Variants in RIT2 observed in about 807,000 individuals in gnomAD.
RIT2 encodes Ras like without CAAX 2.
RIT2 carries 24 observed loss-of-function variants against 23.7 expected under a neutral mutation model. That is an observed-to-expected ratio of 1.01 (90% CI 0.73 to 1.43). RIT2 has a LOEUF of 1.43. Ranked by LOEUF, RIT2 falls within the 40% of genes most tolerant of loss-of-function variation. RIT2 has a pLI of 0.00. For synonymous variants in RIT2, 107 were observed against 91.1 expected, an observed-to-expected ratio of 1.17 and a Z score of -0.99; for missense variants, 236 against 266.9, an observed-to-expected ratio of 0.88 and a Z score of 0.81.
intron 4 of RIT2, among the ~76,000 whole-genome samples, chr18:42,881,984 G>T (rs1417927492): frequency 6.6e-6 from 1 of 152,116 alleles, no homozygotes; most frequent in Non-Finnish European, 1.5e-5. Flanking sequence ...CTGCATGATT[G>T]TACAAATCTT....
chr18:42,759,864 G>A (rs1029758760), intron 4 of RIT2, among the ~76,000 whole-genome samples: 24 of 151,230 alleles, frequency 1.6e-4, no homozygotes, highest in African/African-American at 4.9e-4. Flanking sequence ...CGCAACCTCC[G>A]CCTCCTGGGT....
At chr18:42,900,424 CATA>C in intron 4 of RIT2, among the ~76,000 whole-genome samples, 1 of 152,176 alleles carries the variant, frequency 6.6e-6, no homozygotes, top group South Asian at 2.1e-4. Flanking sequence ...AGCGAATCCC[CATA>C]TACAAATAAT....
intron 4 of RIT2, among the ~76,000 whole-genome samples, chr18:42,790,583 C>A (rs1355822813): frequency 1.3e-5 from 2 of 152,162 alleles, no homozygotes; most frequent in African/African-American, 4.8e-5. Flanking sequence ...CGTCTGCCAC[C>A]ACACCCAGCA....
intron 3 of RIT2, among the ~76,000 whole-genome samples, chr18:42,941,662 C>T (rs975370958): frequency 6.6e-6 from 1 of 151,908 alleles, no homozygotes; most frequent in African/African-American, 2.4e-5. Flanking sequence ...GGAAAAATGC[C>T]AGATACTTTA....
chr18:42,838,519 T>C (rs1049363425), intron 4 of RIT2, among the ~76,000 whole-genome samples: 1 of 151,208 alleles, frequency 6.6e-6, no homozygotes, highest in Non-Finnish European at 1.5e-5. Flanking sequence ...TAATCTTCCA[T>C]GGCAATTAAG....
rs191646870 is a variant in RIT2 at position 43,115,012 on chromosome 18, T to C, written c.103+405A>G. ...CAACACCCATCATCCCGAGTATATG[T>C]CTGTGTTTGTAACTGTGTTTAATTG... On this transcript the variant is annotated intron_variant, in intron 1 of 4. Coordinates refer to ENST00000326695, the MANE Select transcript of RIT2 (RefSeq NM_002930.4). Among the ~76,000 whole-genome samples the C allele has an allele frequency of 2.8e-4, 42 of 152,296 alleles. No individual in the cohort carries two copies. The East Asian group carries it at 8.1e-3, about 29-fold the overall frequency.
chr18:43,111,453 G>A (rs930743218), intron 1 of RIT2, among the ~76,000 whole-genome samples: 33 of 152,108 alleles, frequency 2.2e-4, no homozygotes, highest in African/African-American at 7.9e-4. Flanking sequence ...TATAATGGAA[G>A]ATTTATAACA....
chr18:42,960,822 T>C (rs1375597888), intron 3 of RIT2, among the ~76,000 whole-genome samples: 1 of 152,224 alleles, frequency 6.6e-6, no homozygotes, highest in African/African-American at 2.4e-5. Context: ...TTTGCTTTTT[T>C]ATGAAGAAGG....
chr18:42,993,564 C>A (rs572260561), intron 2 of RIT2, among the ~76,000 whole-genome samples: 2 of 152,254 alleles, frequency 1.3e-5, no homozygotes, highest in East Asian at 1.9e-4. Flanking sequence ...AACTCCCCAA[C>A]TCTGGTGCCA....
intron 1 of RIT2, among the ~76,000 whole-genome samples, chr18:43,067,617 G>A (rs1452409482): frequency 6.6e-6 from 1 of 152,152 alleles, no homozygotes; most frequent in Non-Finnish European, 1.5e-5. Flanking sequence ...TCAATAGAAA[G>A]GAATATCTGG....
chr18:42,908,742 T>C (rs1304079133), intron 4 of RIT2, among the ~76,000 whole-genome samples: 1 of 152,118 alleles, frequency 6.6e-6, no homozygotes, highest in Non-Finnish European at 1.5e-5. Flanking sequence ...AGAGAATTTG[T>C]TGCTAGCAGA....
At chr18:43,008,046 A>G (rs1236488802) in intron 2 of RIT2, among the ~76,000 whole-genome samples, 1 of 151,656 alleles carries the variant, frequency 6.6e-6, no homozygotes, top group Non-Finnish European at 1.5e-5. Context: ...CAAGGACATA[A>G]CACCACATAT....
chr18:42,913,113 T>C (rs995371765), intron 4 of RIT2, among the ~76,000 whole-genome samples: 3 of 151,748 alleles, frequency 2.0e-5, no homozygotes, highest in Non-Finnish European at 4.4e-5. Context: ...CCAATTAATT[T>C]TTTATAAACT....
chr18:43,029,638 C>A (rs1264298916), intron 2 of RIT2, among the ~76,000 whole-genome samples: 1 of 151,902 alleles, frequency 6.6e-6, no homozygotes, highest in Non-Finnish European at 1.5e-5. Flanking sequence ...TAAAAGTAGG[C>A]AAAGAAACTC....
chr18:42,940,334 T>C (rs535295187), intron 3 of RIT2, among the ~76,000 whole-genome samples: 70 of 145,580 alleles, frequency 4.8e-4, no homozygotes, highest in African/African-American at 1.7e-3. Context: ...ATATACACAA[T>C]ATATAGTAAA....
intron 4 of RIT2, among the ~76,000 whole-genome samples, chr18:42,777,249 T>A (rs1913693679): frequency 6.9e-6 from 1 of 145,164 alleles, no homozygotes; most frequent in African/African-American, 2.6e-5. Flanking sequence ...GAAGAAGAAA[T>A]GTCAGTCTGG....
At chr18:42,828,725 C>T (rs116120225) in intron 4 of RIT2, among the ~76,000 whole-genome samples, 42 of 152,216 alleles carry the variant, frequency 2.8e-4, no homozygotes, top group African/African-American at 9.1e-4. Flanking sequence ...TGGCCTGGAG[C>T]GTAAAGATTC....
intron 4 of RIT2, among the ~76,000 whole-genome samples, chr18:42,797,741 A>C (rs969171909): frequency 3.3e-5 from 5 of 152,166 alleles, no homozygotes; most frequent in African/African-American, 1.2e-4. Flanking sequence ...CTATGAGCTG[A>C]ATTTACATGG....
intron 4 of RIT2, among the ~76,000 whole-genome samples, chr18:42,901,724 G>A (rs1177885746): frequency 6.6e-6 from 1 of 151,924 alleles, no homozygotes; most frequent in Admixed American, 6.6e-5. Flanking sequence ...TCAATTTAAA[G>A]TGCAAGACAG....
Sources: allele counts gnomAD v4.1 joint callset (sites outside exome capture counted in the v4.1 genomes callset), GRCh38; gene constraint gnomAD v4.1.1; transcripts MANE v1.5; gene names NCBI Gene and HGNC (gene_info 2026-07-23, HGNC 2026-07-21).